Variants in ASTN2 observed in about 807,000 individuals in gnomAD.
ASTN2 encodes astrotactin-2.
ASTN2 carries 54 observed loss-of-function variants against 139.8 expected under a neutral mutation model. The ratio of observed to expected loss-of-function variants is 0.39; its 90% CI spans 0.31 to 0.48. ASTN2 has a LOEUF of 0.48. ASTN2 is among the 20% of genes least tolerant of loss of function. The pLI is 0.95. For synonymous variants in ASTN2, 756 were observed against 719.5 expected (o/e 1.05, Z -0.81); for missense variants, 1,565 against 1,725.1 (o/e 0.91, Z 1.64).
chr9:116,817,293 C>CA (rs35720333), intron 12 of ASTN2, among the ~76,000 whole-genome samples: 1,364 of 123,306 alleles, frequency 0.011, 7 homozygotes, highest in Non-Finnish European at 0.015. Context: ...GACTCCATCT[C>CA]AAAAAAAAAA....
chr9:116,628,762 GATTGTGGCA>G (rs1856586851), intron 17 of ASTN2, among the ~76,000 whole-genome samples: 1 of 152,196 alleles, frequency 6.6e-6, no homozygotes, highest in South Asian at 2.1e-4. Flanking sequence ...CAGGTTCACT[GATTGTGGCA>G]AATGTACCAC....
chr9:116,486,464 T>C (rs1171937267), intron 20 of ASTN2, among the ~76,000 whole-genome samples: 5 of 151,588 alleles, frequency 3.3e-5, no homozygotes, highest in Middle Eastern at 3.4e-3. Flanking sequence ...AAATGGAAAA[T>C]AGATGAATGT....
chr9:116,903,617 C>T (rs1834077089), intron 10 of ASTN2, among the ~76,000 whole-genome samples: 1 of 152,064 alleles, frequency 6.6e-6, no homozygotes. Context: ...GTGCTGAACC[C>T]ACCTCCTCCT....
At chr9:116,866,909 A>G (rs906235270) in intron 10 of ASTN2, among the ~76,000 whole-genome samples, 3 of 151,884 alleles carry the variant, frequency 2.0e-5, no homozygotes, top group Non-Finnish European at 4.4e-5. Flanking sequence ...AAAAAAAAAA[A>G]AAAAGACAGA....
chr9:117,041,141 G>T (rs1017296642), intron 5 of ASTN2, among the ~76,000 whole-genome samples: 1 of 152,110 alleles, frequency 6.6e-6, no homozygotes, highest in Non-Finnish European at 1.5e-5. Flanking sequence ...AGACGACACT[G>T]GGCCAACAAA....
intron 13 of ASTN2, among the ~76,000 whole-genome samples, chr9:116,755,428 G>C (rs966354882): frequency 1.3e-5 from 2 of 152,096 alleles, no homozygotes; most frequent in Non-Finnish European, 2.9e-5. Context: ...TTTAAGAAGA[G>C]GAAAACTGGA....
At chr9:116,593,860 T>A (rs1417518302) in intron 19 of ASTN2, among the ~76,000 whole-genome samples, 2 of 152,182 alleles carry the variant, frequency 1.3e-5, no homozygotes, top group Admixed American at 6.5e-5. Context: ...ATCCCTTCCA[T>A]CCTTCCAGGT....
intron 16 of ASTN2, among the ~76,000 whole-genome samples, chr9:116,708,111 C>A (rs1481948402): frequency 2.0e-5 from 3 of 150,028 alleles, no homozygotes; most frequent in African/African-American, 7.3e-5. Flanking sequence ...GTTAATATGG[C>A]CCAATTTAAA....
chr9:116,833,830 C>A (rs1015073213), intron 11 of ASTN2, among the ~76,000 whole-genome samples: 2 of 152,122 alleles, frequency 1.3e-5, no homozygotes, highest in African/African-American at 4.8e-5. Flanking sequence ...GCAGTTGAAG[C>A]CTTGGGGACG....
chr9:117,323,783 T>C (rs533173567), intron 1 of ASTN2, among the ~76,000 whole-genome samples: 4 of 152,308 alleles, frequency 2.6e-5, no homozygotes, highest in South Asian at 4.1e-4. Context: ...TTTATATATA[T>C]ATTTTTTATT....
At chr9:116,500,750 G>A (rs1188907526) in intron 19 of ASTN2, among the ~76,000 whole-genome samples, 2 of 152,126 alleles carry the variant, frequency 1.3e-5, no homozygotes, top group Non-Finnish European at 2.9e-5. Flanking sequence ...GGGAATCAAT[G>A]AACTCAAATA....
At chr9:116,448,539 G>T (rs1026095893) in intron 20 of ASTN2, among the ~76,000 whole-genome samples, 1 of 152,180 alleles carries the variant, frequency 6.6e-6, no homozygotes, top group Non-Finnish European at 1.5e-5. Context: ...GGTGTTACAC[G>T]TTCCAGACTT....
chr9:116,997,015 AATC>A (rs1340314374), intron 7 of ASTN2, among the ~76,000 whole-genome samples: 1 of 152,082 alleles, frequency 6.6e-6, no homozygotes, highest in African/African-American at 2.4e-5. Context: ...TGGTACCTAT[AATC>A]ATCAGAAATA....
At chr9:116,972,156 A>T (rs965992371) in intron 10 of ASTN2, among the ~76,000 whole-genome samples, 1 of 152,146 alleles carries the variant, frequency 6.6e-6, no homozygotes, top group African/African-American at 2.4e-5. Flanking sequence ...CCCAGAAGTA[A>T]TCTCTATCCT....
At chr9:116,620,475 G>A in intron 17 of ASTN2, 32 bp from the exon 18 acceptor site, 1 of 1,613,484 alleles carries the variant, frequency 6.2e-7, no homozygotes, top group African/African-American at 1.3e-5. Flanking sequence ...AATAGACAAT[G>A]ATGACAACAG....
chr9:116,923,722 A>T (rs1834676669), intron 10 of ASTN2, among the ~76,000 whole-genome samples: 1 of 152,214 alleles, frequency 6.6e-6, no homozygotes, highest in Non-Finnish European at 1.5e-5. Flanking sequence ...GAAGAATTCA[A>T]CTTGGAATCC....
intron 2 of ASTN2, among the ~76,000 whole-genome samples, chr9:117,264,442 C>T (rs1298344604): frequency 1.3e-5 from 2 of 152,186 alleles, no homozygotes; most frequent in Non-Finnish European, 2.9e-5. Flanking sequence ...ATTACTGTGC[C>T]TTCCTCATAC....
rs537955236 is a variant in ASTN2 at position 116,747,425 on chromosome 9, T to C, written c.2397-13902A>G. 2.6e-5 allele frequency among the ~76,000 whole-genome samples: 4 copies of C among 152,342 alleles called. No individual in the cohort carries two copies. The South Asian group carries it at 6.2e-4, about 24-fold the overall frequency. ...ATGCTGGTTGAATGTCTTAGATGGA[T>C]GCCCTTTGTTAAACGTATATCATGT... On this transcript the variant is annotated intron_variant, in intron 13 of 22. Coordinates refer to ENST00000313400, the MANE Select transcript of ASTN2 (RefSeq NM_001365068.1).
intron 16 of ASTN2, among the ~76,000 whole-genome samples, chr9:116,665,344 C>T (rs1858797857): frequency 6.6e-6 from 1 of 152,068 alleles, no homozygotes; most frequent in Admixed American, 6.6e-5. Flanking sequence ...GGGAACTAAG[C>T]TTTTTCAGCA....
Sources: gnomAD v4.1 joint callset for allele counts (sites outside exome capture counted in the v4.1 genomes callset) on GRCh38, gnomAD v4.1.1 for gene constraint, MANE v1.5 for transcripts, NCBI Gene and HGNC (gene_info 2026-07-23, HGNC 2026-07-21) for gene names.